Variants in ARSB observed in about 807,000 individuals in gnomAD.
ARSB encodes N-acetylgalactosamine-4-sulfatase.
In ARSB, 41 loss-of-function variants were observed where a neutral mutation model predicts 50.9. That is an observed-to-expected ratio of 0.81 (90% CI 0.63 to 1.04). ARSB has a LOEUF of 1.04. Ranked by LOEUF, ARSB falls within the 50% of genes least tolerant of loss-of-function variation. The pLI is 0.00. For synonymous variants in ARSB, 269 were observed against 284.8 expected (o/e 0.94, Z 0.56); for missense variants, 672 against 693.3 (o/e 0.97, Z 0.35).
At chr5:78,866,877 G>A (rs536978269) in intron 5 of ARSB, among the ~76,000 whole-genome samples, 2 of 152,204 alleles carry the variant, frequency 1.3e-5, no homozygotes, top group Admixed American at 6.5e-5. Flanking sequence ...CGCAGAAGAC[G>A]GGTGATTTCT....
intron 4 of ARSB, among the ~76,000 whole-genome samples, chr5:78,893,365 G>A (rs1273248250): frequency 6.6e-6 from 1 of 152,146 alleles, no homozygotes; most frequent in East Asian, 1.9e-4. Flanking sequence ...ATTTAAAAAA[G>A]ATGCATGCAG....
At position 78,778,984 on chromosome 5, in the gene ARSB, C is replaced by T; in HGVS notation, c.*1413G>A. On this transcript the variant is annotated 3_prime_UTR_variant, in exon 8 of 8. Transcript: ENST00000264914. ...GGTGAGTTGTGATTGTACCACTGTACTCCAACCTGGTGACAGAGTGAGATC... is the reference window on the plus strand; with the variant it reads ...GGTGAGTTGTGATTGTACCACTGTATTCCAACCTGGTGACAGAGTGAGATC... 6.6e-6 allele frequency: 1 copy of T among 152,006 alleles called. No homozygotes were observed. 9.4% of individuals were successfully genotyped at this position (152,006 alleles called of 1,614,324 possible). A position where few individuals can be genotyped will look rare whatever the true frequency, so the allele number is the denominator to read the frequency against.
chr5:78,966,393 ATCT>A (rs77836037), intron 2 of ARSB, among the ~76,000 whole-genome samples: 20,246 of 152,180 alleles, frequency 0.13, 1,632 homozygotes, highest in Middle Eastern at 0.22. Context: ...GAACAACCAA[ATCT>A]TCTCTGATGC....
rs754566 is a variant in ARSB, at chr5:78,779,095, C to A, written c.*1302G>T. The A allele has an allele frequency of 0.53, 80,909 of 152,006 alleles. 21,686 individuals carry two copies. The highest frequency in any genetic ancestry group is 0.58 in the Middle Eastern group (171 of 294). The allele number at this position is 152,006 out of a possible 1,614,324, so 9.4% of individuals were successfully genotyped here. On this transcript the variant is annotated 3_prime_UTR_variant, in exon 8 of 8. Transcript: ENST00000264914. ...GCAGTGTTCCAAGCATTGGTGAACA[C>A]AATGGTGGGGCTAATGCAGAAAAGA...
chr5:78,895,361 C>A (rs150482758), intron 4 of ARSB, among the ~76,000 whole-genome samples: 123 of 152,284 alleles, frequency 8.1e-4, no homozygotes, highest in African/African-American at 2.6e-3. Context: ...ATTGAAGACA[C>A]CACTGAAAGA....
At position 78,778,442 on chromosome 5, in the gene ARSB, C is replaced by T. The variant is rs1266233628; in HGVS notation, c.*1955G>A. On this transcript the variant is annotated 3_prime_UTR_variant, in exon 8 of 8. Coordinates refer to ENST00000264914, the MANE Select transcript of ARSB (RefSeq NM_000046.5). ...TCAGATTATTTGTTGCTTTTAGTTT[C>T]TAGTGTCCCATAAAGTATAGAAATG... 1.3e-5 allele frequency: 2 copies of T among 152,180 alleles called. No homozygotes were observed. Among genetic ancestry groups the T allele is most frequent in the African/African-American group, 4.8e-5 (2 of 41,452 alleles). 9.4% of individuals were successfully genotyped at this position (152,180 alleles called of 1,614,324 possible).
intron 6 of ARSB, among the ~76,000 whole-genome samples, chr5:78,800,951 G>C (rs887734344): frequency 6.6e-6 from 1 of 152,280 alleles, no homozygotes. Flanking sequence ...GAGTGTGGAA[G>C]AGTACAAGGT....
chr5:78,826,900 T>C (rs539164960), intron 6 of ARSB, among the ~76,000 whole-genome samples: 1 of 152,132 alleles, frequency 6.6e-6, no homozygotes, highest in Admixed American at 6.5e-5. Context: ...GGGGAACCTA[T>C]TTGGCTGCCA....
At chr5:78,840,649 T>C (rs1464569133) in intron 5 of ARSB, among the ~76,000 whole-genome samples, 1 of 152,090 alleles carries the variant, frequency 6.6e-6, no homozygotes, top group Non-Finnish European at 1.5e-5. Flanking sequence ...AAATTGAGCA[T>C]ATTTAACTTT....
intron 5 of ARSB, among the ~76,000 whole-genome samples, chr5:78,866,516 A>G (rs1746748979): frequency 6.6e-6 from 1 of 152,206 alleles, no homozygotes; most frequent in Non-Finnish European, 1.5e-5. Flanking sequence ...CTCCAGAAAG[A>G]GAAGGTCACA....
intron 6 of ARSB, among the ~76,000 whole-genome samples, chr5:78,799,567 T>C (rs7727110): frequency 0.78 from 119,015 of 152,216 alleles, 47,520 homozygotes; most frequent in African/African-American, 0.94. Flanking sequence ...ATGATGTGTA[T>C]GGCAAAATCC....
At chr5:78,971,476 G>A (rs1487403699) in intron 1 of ARSB, among the ~76,000 whole-genome samples, 1 of 152,178 alleles carries the variant, frequency 6.6e-6, no homozygotes, top group East Asian at 1.9e-4. Flanking sequence ...GCTATAAGGT[G>A]GAGAGCAAGA....
chr5:78,859,598 C>T (rs559182416), intron 5 of ARSB, among the ~76,000 whole-genome samples: 12 of 152,122 alleles, frequency 7.9e-5, no homozygotes, highest in African/African-American at 1.4e-4. Context: ...GCTGAAGAGA[C>T]GAACAACACA....
intron 4 of ARSB, among the ~76,000 whole-genome samples, chr5:78,928,357 A>C (rs1161150032): frequency 8.1e-6 from 1 of 122,928 alleles, no homozygotes; most frequent in African/African-American, 3.1e-5. Flanking sequence ...GCTCTGTCAC[A>C]CAGGCTGGAG....
chr5:78,892,238 A>G (rs528645282), intron 4 of ARSB, among the ~76,000 whole-genome samples: 5 of 143,884 alleles, frequency 3.5e-5, no homozygotes, highest in Admixed American at 3.4e-4. Flanking sequence ...CCTAGATTGC[A>G]TTCTCTATTC....
intron 1 of ARSB, 150 bp downstream of exon 1, chr5:78,984,787 G>A (rs904574400): frequency 2.1e-5 from 11 of 535,938 alleles, no homozygotes; most frequent in Non-Finnish European, 2.9e-5. Context: ...GAAGAGCGAG[G>A]TTGGGGCGAG....
At chr5:78,797,849 T>C (rs536268125) in intron 6 of ARSB, among the ~76,000 whole-genome samples, 1 of 151,906 alleles carries the variant, frequency 6.6e-6, no homozygotes, top group Non-Finnish European at 1.5e-5. Flanking sequence ...ATATATGGAC[T>C]GAGAAAAGAA....
intron 3 of ARSB, among the ~76,000 whole-genome samples, chr5:78,961,209 G>C (rs573454691): frequency 6.6e-6 from 1 of 152,278 alleles, no homozygotes; most frequent in South Asian, 2.1e-4. Flanking sequence ...CCCAGAATTA[G>C]ATTCAACATC....
At chr5:78,860,256 C>G (rs1437246370) in intron 5 of ARSB, among the ~76,000 whole-genome samples, 3 of 152,108 alleles carry the variant, frequency 2.0e-5, no homozygotes, top group Non-Finnish European at 4.4e-5. Context: ...GTGTGGGAGT[C>G]TAAGTCTCTT....
Sources: allele counts gnomAD v4.1 joint callset (sites outside exome capture counted in the v4.1 genomes callset), GRCh38; gene constraint gnomAD v4.1.1; transcripts MANE v1.5; gene names NCBI Gene and HGNC (gene_info 2026-07-23, HGNC 2026-07-21).